Variants in IL20RA observed in about 807,000 individuals in gnomAD.
IL20RA encodes the protein interleukin 20 receptor subunit alpha.
IL20RA carries 29 observed loss-of-function variants against 36.5 expected under a neutral mutation model. That is an observed-to-expected ratio of 0.79 (90% CI 0.59 to 1.08). The LOEUF (loss-of-function observed/expected upper bound fraction) is 1.08, where lower values mean the gene tolerates loss of function less well. Ranked by LOEUF, IL20RA falls within the 50% of genes least tolerant of loss-of-function variation. IL20RA has a pLI of 0.00. For missense variants in IL20RA, 652 were observed against 668.4 expected, an observed-to-expected ratio of 0.98 and a Z score of 0.27; for synonymous variants, 279 against 267.1, an observed-to-expected ratio of 1.04 and a Z score of -0.43.
At chr6:137,036,150 T>A (rs1162321826) in intron 1 of IL20RA, among the ~76,000 whole-genome samples, 2 of 152,230 alleles carry the variant, frequency 1.3e-5, no homozygotes, top group African/African-American at 4.8e-5. Context: ...GTAGAGGCTT[T>A]CAGCTCTCAC....
rs1174393692 is a variant in IL20RA at position 137,000,603 on chromosome 6, C to T, written c.*955G>A. On this transcript the variant is annotated 3_prime_UTR_variant, in exon 7 of 7. Coordinates refer to ENST00000316649, the MANE Select transcript of IL20RA (RefSeq NM_014432.4). ...CATTTAACTCATTTCTCTTGTATGT[C>T]CTATATTTACTTATGGGTTTTAATA... 1 of 152,080 alleles carries T rather than the reference C, an allele frequency of 6.6e-6. No homozygotes were observed. The highest frequency in any genetic ancestry group is 1.5e-5 in the Non-Finnish European group (1 of 68,004). 9.4% of individuals were successfully genotyped at this position (152,080 alleles called of 1,614,324 possible). A position where few individuals can be genotyped will look rare whatever the true frequency, so the allele number is the denominator to read the frequency against.
intron 1 of IL20RA, among the ~76,000 whole-genome samples, chr6:137,031,013 T>C (rs1221349048): frequency 6.6e-6 from 1 of 152,228 alleles, no homozygotes; most frequent in Non-Finnish European, 1.5e-5. Context: ...TACTATTCAT[T>C]GTAAATATTT....
At chr6:137,017,156 T>C in intron 1 of IL20RA, 53 bp from the exon 2 acceptor site, 2 of 1,489,760 alleles carry the variant, frequency 1.3e-6, no homozygotes, top group South Asian at 2.3e-5. Flanking sequence ...AAGGAAAACA[T>C]GATTCCTGTA....
chr6:137,031,038 T>C (rs1291984205), intron 1 of IL20RA, among the ~76,000 whole-genome samples: 1 of 152,220 alleles, frequency 6.6e-6, no homozygotes, highest in African/African-American at 2.4e-5. Context: ...TTCCTTACCG[T>C]TAACAATAAC....
rs1171562741 is a variant in IL20RA, at chr6:137,009,426, G to A, written c.470C>T (p.Ala157Val). 3 of 1,612,378 alleles carry A rather than the reference G, an allele frequency of 1.9e-6. No individual in the cohort carries two copies. Among genetic ancestry groups the A allele is most frequent in the Non-Finnish European group, 2.5e-6 (3 of 1,178,478 alleles). ...DEKSISVVLT[A>V]PEKWKRNPED... ...TGGATTTCTCTTCCACTTCTCTGGA[G>A]CTGTCAGGACAACAGAAATGGACTT... The change falls in exon 4 of 7, where the codon GCT becomes GTT. Residue 157 changes from alanine to valine, a missense_variant. Coordinates refer to ENST00000316649, the MANE Select transcript of IL20RA (RefSeq NM_014432.4).
chr6:137,037,546 G>C (rs892973479), intron 1 of IL20RA, among the ~76,000 whole-genome samples: 1 of 152,152 alleles, frequency 6.6e-6, no homozygotes, highest in African/African-American at 2.4e-5. Context: ...TGACAACAAA[G>C]ATAAGAAAGG....
At chr6:137,028,380 C>A (rs993398576) in intron 1 of IL20RA, among the ~76,000 whole-genome samples, 2 of 147,766 alleles carry the variant, frequency 1.4e-5, no homozygotes, top group African/African-American at 2.5e-5. Flanking sequence ...CGTGCCACTG[C>A]ACTCCAGCCT....
intron 2 of IL20RA, among the ~76,000 whole-genome samples, chr6:137,012,498 G>A (rs561034357): frequency 6.6e-6 from 1 of 152,274 alleles, no homozygotes; most frequent in East Asian, 1.9e-4. Flanking sequence ...TTGATGCCTT[G>A]AGCCTGAGTA....
intron 1 of IL20RA, among the ~76,000 whole-genome samples, chr6:137,035,169 A>G (rs1739667331): frequency 6.6e-6 from 1 of 152,170 alleles, no homozygotes; most frequent in Admixed American, 6.5e-5. Flanking sequence ...ATAGATGGCA[A>G]CCTACTTATG....
chr6:137,028,726 G>A (rs750862318), intron 1 of IL20RA, among the ~76,000 whole-genome samples: 10 of 152,062 alleles, frequency 6.6e-5, no homozygotes, highest in South Asian at 2.1e-4. Context: ...CCACTAAAGA[G>A]AGTGTGTATC....
chr6:137,004,374 C>A (rs1467652345), intron 6 of IL20RA, among the ~76,000 whole-genome samples: 1 of 152,048 alleles, frequency 6.6e-6, no homozygotes, highest in Non-Finnish European at 1.5e-5. Context: ...TGGGGTTTCA[C>A]ACTGTTGGCC....
chr6:137,032,606 CT>C (rs945679501), intron 1 of IL20RA, among the ~76,000 whole-genome samples: 3 of 152,212 alleles, frequency 2.0e-5, no homozygotes, highest in African/African-American at 7.2e-5. Flanking sequence ...TGTTGCATTT[CT>C]TTTAACTTTC....
At chr6:137,016,789 A>G (rs1775703216) in intron 2 of IL20RA, among the ~76,000 whole-genome samples, 179 bp downstream of exon 2, 1 of 152,176 alleles carries the variant, frequency 6.6e-6, no homozygotes, top group Admixed American at 6.5e-5. Context: ...CTCTGTCTCC[A>G]TGAAGAAACT....
intron 1 of IL20RA, among the ~76,000 whole-genome samples, chr6:137,039,601 A>G (rs1776610322): frequency 6.6e-6 from 1 of 152,212 alleles, no homozygotes; most frequent in African/African-American, 2.4e-5. Flanking sequence ...GAAATGAAGG[A>G]GATGGCATGG....
chr6:137,005,680 G>A (rs1188719505), intron 5 of IL20RA, among the ~76,000 whole-genome samples: 1 of 152,026 alleles, frequency 6.6e-6, no homozygotes, highest in Admixed American at 6.5e-5. Flanking sequence ...TTTAATGGGA[G>A]TCTAACATTT....
intron 2 of IL20RA, among the ~76,000 whole-genome samples, chr6:137,011,752 T>C (rs1446327461): frequency 6.6e-6 from 1 of 152,214 alleles, no homozygotes; most frequent in African/African-American, 2.4e-5. Flanking sequence ...TTTTTACATA[T>C]TGTGTGATCA....
chr6:137,011,143 C>T, intron 3 of IL20RA, 131 bp downstream of exon 3: 1 of 650,338 alleles, frequency 1.5e-6, no homozygotes, highest in Non-Finnish European at 2.6e-6. Flanking sequence ...GTCCTGCTCA[C>T]TCAACCCACT....
At chr6:137,024,919 C>T (rs981415793) in intron 1 of IL20RA, among the ~76,000 whole-genome samples, 2 of 152,214 alleles carry the variant, frequency 1.3e-5, no homozygotes, top group Non-Finnish European at 2.9e-5. Context: ...GTCATCAACT[C>T]TGGACTCCCT....
Position 137,001,780 on chromosome 6 carries a change from G to C in IL20RA, c.1440C>G (p.Val480=), listed in dbSNP as rs748650839. The part of the protein sequence containing the change: ...GPEEEPSTTL[V]DWDPQTGRLC... ...GCCTGCCAGTTTGGGGATCCCAGTC[G>C]ACCAGGGTCGTCGATGGCTCTTCCT... is the stretch of plus-strand genomic sequence containing the variant. The change falls in exon 7 of 7, where the codon GTC becomes GTG. Residue 480 remains valine (V), a synonymous_variant. Coordinates refer to ENST00000316649, the MANE Select transcript of IL20RA (RefSeq NM_014432.4). 3 of 1,612,618 alleles carry C rather than the reference G, an allele frequency of 1.9e-6. No homozygotes were observed. Among genetic ancestry groups the C allele is most frequent in the Middle Eastern group, 1.6e-4 (1 of 6,076 alleles).
Sources: allele counts gnomAD v4.1 joint callset (sites outside exome capture counted in the v4.1 genomes callset), GRCh38; gene constraint gnomAD v4.1.1; transcripts MANE v1.5; gene names NCBI Gene and HGNC (gene_info 2026-07-23, HGNC 2026-07-21).